ELMO1: variants seen among roughly 807,000 people sequenced by gnomAD.
The protein encoded by ELMO1 is engulfment and cell motility 1.
In ELMO1, 26 loss-of-function variants were observed where a neutral mutation model predicts 98.9. That is an observed-to-expected ratio of 0.26 (90% CI 0.19 to 0.36). ELMO1 has a LOEUF of 0.36. Ranked by LOEUF, ELMO1 falls within the 10% of genes least tolerant of loss-of-function variation. The pLI, the probability that ELMO1 is intolerant of heterozygous loss-of-function variation, is 1.00. For synonymous variants in ELMO1, 346 were observed against 346.0 expected, an observed-to-expected ratio of 1.00 and a Z score of 0.00; for missense variants, 627 against 935.2, an observed-to-expected ratio of 0.67 and a Z score of 4.30.
chr7:36,973,389 G>C (rs946041830), intron 16 of ELMO1, among the ~76,000 whole-genome samples: 1 of 152,200 alleles, frequency 6.6e-6, no homozygotes, highest in African/African-American at 2.4e-5. Context: ...TGTCCCATTA[G>C]GGCCCTATGT....
At chr7:37,420,530 A>G (rs1466913630) in intron 1 of ELMO1, among the ~76,000 whole-genome samples, 1 of 151,912 alleles carries the variant, frequency 6.6e-6, no homozygotes, top group Non-Finnish European at 1.5e-5. Context: ...AACCAGTGAC[A>G]CTTTCCACAA....
intron 15 of ELMO1, among the ~76,000 whole-genome samples, chr7:37,060,888 G>C (rs1416536574): frequency 6.6e-6 from 1 of 152,156 alleles, no homozygotes; most frequent in African/African-American, 2.4e-5. Context: ...GCACAGAGGG[G>C]AGAGGGGAGG....
intron 15 of ELMO1, among the ~76,000 whole-genome samples, chr7:37,039,995 T>C (rs1446660016): frequency 1.3e-5 from 2 of 152,230 alleles, no homozygotes; most frequent in Non-Finnish European, 2.9e-5. Flanking sequence ...TATTACAATG[T>C]TGTCCAGTAG....
chr7:37,038,193 T>C (rs926240580), intron 15 of ELMO1, among the ~76,000 whole-genome samples: 1 of 152,170 alleles, frequency 6.6e-6, no homozygotes, highest in Non-Finnish European at 1.5e-5. Flanking sequence ...CAGCTCCACC[T>C]TCATCCTCAC....
intron 19 of ELMO1, among the ~76,000 whole-genome samples, chr7:36,871,360 ACCCTGTCTC>A (rs1803485826): frequency 6.6e-6 from 1 of 152,204 alleles, no homozygotes; most frequent in Admixed American, 6.5e-5. Flanking sequence ...ACATAGGGAG[ACCCTGTCTC>A]TACAAACAAT....
chr7:37,181,728 A>T (rs1790871675), intron 13 of ELMO1, among the ~76,000 whole-genome samples: 1 of 152,206 alleles, frequency 6.6e-6, no homozygotes, highest in African/African-American at 2.4e-5. Context: ...AGGGTCACAC[A>T]GCTAGTAAGT....
intron 16 of ELMO1, among the ~76,000 whole-genome samples, chr7:36,931,807 C>T (rs1786068119): frequency 6.6e-6 from 1 of 152,192 alleles, no homozygotes; most frequent in South Asian, 2.1e-4. Context: ...GAGGGAGATA[C>T]ATCCTCCACG....
At chr7:37,434,480 T>C (rs772176558) in intron 1 of ELMO1, among the ~76,000 whole-genome samples, 6 of 152,218 alleles carry the variant, frequency 3.9e-5, no homozygotes, top group Non-Finnish European at 7.3e-5. Context: ...AGTGGCTAAA[T>C]TGATTCTTTT....
intron 19 of ELMO1, among the ~76,000 whole-genome samples, chr7:36,873,404 C>A (rs1803694955): frequency 6.6e-6 from 1 of 152,140 alleles, no homozygotes; most frequent in African/African-American, 2.4e-5. Context: ...GAAGTGGGCT[C>A]CAGATCTGTG....
chr7:37,239,284 T>C (rs912036654), intron 7 of ELMO1, among the ~76,000 whole-genome samples: 1 of 152,004 alleles, frequency 6.6e-6, no homozygotes, highest in African/African-American at 2.4e-5. Context: ...TCTGCCTCAG[T>C]CTCTCAAGTA....
intron 8 of ELMO1, among the ~76,000 whole-genome samples, chr7:37,232,013 C>G (rs55754512): frequency 1.3e-5 from 2 of 151,980 alleles, no homozygotes; most frequent in African/African-American, 4.8e-5. Context: ...CCACTGCGCC[C>G]GGCTAATTTT....
At chr7:37,294,145 C>T (rs926251214) in intron 4 of ELMO1, among the ~76,000 whole-genome samples, 2 of 152,174 alleles carry the variant, frequency 1.3e-5, no homozygotes, top group Non-Finnish European at 2.9e-5. Context: ...TGACTTCACA[C>T]TGCAAGAAGA....
At chr7:37,163,700 G>C (rs1039749996) in intron 13 of ELMO1, among the ~76,000 whole-genome samples, 3 of 152,164 alleles carry the variant, frequency 2.0e-5, no homozygotes, top group African/African-American at 7.2e-5. Flanking sequence ...GTATTCCATG[G>C]TGTATATGTG....
intron 15 of ELMO1, among the ~76,000 whole-genome samples, chr7:37,063,617 TCTTCATC>T (rs1796783723): frequency 6.6e-6 from 1 of 152,184 alleles, no homozygotes; most frequent in African/African-American, 2.4e-5. Context: ...ACAGTCTTTC[TCTTCATC>T]ACAGCTTCTA....
At chr7:37,234,419 A>G (rs549530282) in intron 7 of ELMO1, among the ~76,000 whole-genome samples, 179 of 152,318 alleles carry the variant, frequency 1.2e-3, no homozygotes, top group African/African-American at 4.0e-3. Flanking sequence ...CCCAGCCTCA[A>G]AAATGACCTT....
chr7:37,122,413 A>C (rs565675544), intron 14 of ELMO1, among the ~76,000 whole-genome samples: 15 of 152,316 alleles, frequency 9.8e-5, no homozygotes, highest in African/African-American at 3.6e-4. Context: ...AGAGACACAC[A>C]CACACTCAAA....
chr7:37,119,506 TG>T (rs1785851652), intron 14 of ELMO1, among the ~76,000 whole-genome samples: 1 of 152,210 alleles, frequency 6.6e-6, no homozygotes, highest in Admixed American at 6.5e-5. Context: ...AACTATTTTT[TG>T]TAAGTATGAT....
rs1783860703 is a variant in ELMO1, at chr7:36,905,101, G to A, written c.1438-10084C>T. Among the ~76,000 whole-genome samples the A allele has an allele frequency of 2.0e-5, 3 of 152,304 alleles. No homozygotes were observed. The South Asian group carries it at 6.2e-4, about 32-fold the overall frequency. On this transcript the variant is annotated intron_variant, in intron 16 of 21. Coordinates refer to ENST00000310758, the MANE Select transcript of ELMO1 (RefSeq NM_014800.11). ...CATGTGACCTTGAGGAGACACGGTG[G>A]GGGAAAAGCAGAAAGAAATAGAGTT...
chr7:36,986,693 T>C (rs886918993), intron 16 of ELMO1, among the ~76,000 whole-genome samples: 2 of 152,262 alleles, frequency 1.3e-5, no homozygotes. Context: ...GAGTTTGCTT[T>C]CTCCTACCTT....
Sources: allele counts gnomAD v4.1 joint callset (sites outside exome capture counted in the v4.1 genomes callset), GRCh38; gene constraint gnomAD v4.1.1; transcripts MANE v1.5; gene names NCBI Gene and HGNC (gene_info 2026-07-23, HGNC 2026-07-21).